SLIT3: variants seen among roughly 807,000 people sequenced by gnomAD.
The protein encoded by SLIT3 is slit homolog 3 protein.
Under a neutral mutation model 184.0 loss-of-function variants are expected in SLIT3, and 68 were observed. That is an observed-to-expected ratio of 0.37 (90% CI 0.30 to 0.45). The LOEUF is 0.45. Among genes scored for constraint, SLIT3 ranks in the 20% least tolerant of loss-of-function variants. SLIT3 has a pLI of 1.00. For synonymous variants in SLIT3, 831 were observed against 828.6 expected (o/e 1.00, Z -0.05); for missense variants, 1,707 against 2,026.0 (o/e 0.84, Z 3.02).
At chr5:168,692,197 A>G (rs544362180) in intron 29 of SLIT3, among the ~76,000 whole-genome samples, 8 of 152,316 alleles carry the variant, frequency 5.3e-5, no homozygotes, top group Non-Finnish European at 1.0e-4. Context: ...AAGGCTGCAC[A>G]TGGAGAAGGT....
In SLIT3 at chr5:169,072,592, T is replaced by G. The variant is rs900991240; in HGVS notation, c.413+120887A>C. On this transcript the variant is annotated intron_variant, in intron 4 of 35. Coordinates refer to ENST00000519560, the MANE Select transcript of SLIT3 (RefSeq NM_003062.4). ...AGAGCCACCATGCAAGTACTGGATCTAGCCTGCCTGAACACATTTTATCAT... is the reference window on the plus strand; with the variant it reads ...AGAGCCACCATGCAAGTACTGGATCGAGCCTGCCTGAACACATTTTATCAT... 3.9e-5 allele frequency among the ~76,000 whole-genome samples: 6 copies of G among 152,228 alleles called. No homozygotes were observed. The East Asian group carries it at 1.2e-3, about 29-fold the overall frequency.
intron 4 of SLIT3, among the ~76,000 whole-genome samples, chr5:169,014,231 A>G (rs1291909843): frequency 1.3e-5 from 2 of 152,220 alleles, no homozygotes; most frequent in Non-Finnish European, 2.9e-5. Flanking sequence ...ACTCAAGAAG[A>G]TAATTTTATC....
intron 25 of SLIT3, 161 bp from the exon 26 acceptor site, chr5:168,708,261 G>T: frequency 1.2e-6 from 1 of 838,012 alleles, no homozygotes; most frequent in Non-Finnish European, 1.9e-6. Context: ...ATCCAGTCCA[G>T]CTAGAGTCCC....
chr5:168,972,731 A>T (rs1205455064), intron 4 of SLIT3, among the ~76,000 whole-genome samples: 1 of 151,706 alleles, frequency 6.6e-6, no homozygotes, highest in Admixed American at 6.6e-5. Flanking sequence ...TCTTCTCTAG[A>T]CTCATACCTG....
chr5:168,837,699 T>C (rs374555613), intron 6 of SLIT3, among the ~76,000 whole-genome samples: 16 of 152,316 alleles, frequency 1.1e-4, no homozygotes, highest in African/African-American at 3.8e-4. Flanking sequence ...GAGTGAGATG[T>C]GGACATAAAG....
intron 5 of SLIT3, among the ~76,000 whole-genome samples, chr5:168,866,668 G>A (rs1300686535): frequency 6.6e-6 from 1 of 152,158 alleles, no homozygotes; most frequent in Admixed American, 6.5e-5. Context: ...TGTTAACAGT[G>A]AGTCAGATTA....
At chr5:168,673,382 A>T (rs771183124) in intron 32 of SLIT3, 51 bp from the exon 33 acceptor site, 1 of 1,572,588 alleles carries the variant, frequency 6.4e-7, no homozygotes, top group East Asian at 2.2e-5. Flanking sequence ...AGGGCCTTCC[A>T]TGGCTGGGCC....
chr5:168,824,319 C>G (rs1167604598), intron 6 of SLIT3, among the ~76,000 whole-genome samples: 1 of 152,216 alleles, frequency 6.6e-6, no homozygotes, highest in Non-Finnish European at 1.5e-5. Context: ...ATGAACGGAG[C>G]TCCTACGGTG....
chr5:169,270,880 G>A, intron 1 of SLIT3, among the ~76,000 whole-genome samples: 1 of 152,122 alleles, frequency 6.6e-6, no homozygotes. Context: ...GTAGTATGTG[G>A]ATAATCTATA....
At chr5:168,748,220 GC>G (rs1438985686) in intron 20 of SLIT3, 81 bp downstream of exon 20, 2 of 1,390,784 alleles carry the variant, frequency 1.4e-6, no homozygotes, top group African/African-American at 1.5e-5. Flanking sequence ...ATGTTGCCTT[GC>G]TTGAGATTCT....
At chr5:169,034,933 G>A (rs1002287568) in intron 4 of SLIT3, among the ~76,000 whole-genome samples, 1 of 150,188 alleles carries the variant, frequency 6.7e-6, no homozygotes, top group East Asian at 1.9e-4. Flanking sequence ...GTGTGTGTGT[G>A]TGTGTGTGTG....
intron 4 of SLIT3, among the ~76,000 whole-genome samples, chr5:168,915,373 G>A (rs758526647): frequency 1.3e-4 from 20 of 152,094 alleles, no homozygotes; most frequent in Non-Finnish European, 2.2e-4. Context: ...GTAGACAAGC[G>A]ACTTTACAAT....
chr5:168,734,376 C>T (rs541361566), intron 20 of SLIT3, among the ~76,000 whole-genome samples: 4 of 152,152 alleles, frequency 2.6e-5, no homozygotes, highest in Non-Finnish European at 5.9e-5. Flanking sequence ...GTTCCAACTC[C>T]ACTGGCCTTA....
intron 4 of SLIT3, among the ~76,000 whole-genome samples, chr5:168,888,711 T>TA (rs533153866): frequency 1.1e-4 from 16 of 152,020 alleles, no homozygotes; most frequent in Non-Finnish European, 2.1e-4. Flanking sequence ...TCAATAACAT[T>TA]AAAAAAAATT....
Position 169,009,431 on chromosome 5 carries a change from C to T in SLIT3, c.414-126095G>A, listed in dbSNP as rs141746926. On this transcript the variant is annotated intron_variant, in intron 4 of 35. Coordinates refer to ENST00000519560, the MANE Select transcript of SLIT3 (RefSeq NM_003062.4). ...TGCAAACAGGCTCTTCCCTCCTCGC[C>T]GAAAAGCAAGCACGCTGTGTAGTCA... Among the ~76,000 whole-genome samples the T allele has an allele frequency of 5.5e-3, 838 of 152,304 alleles. 7 individuals are homozygous for T. Among genetic ancestry groups the T allele is most frequent in the African/African-American group, 0.019 (773 of 41,546 alleles).
intron 5 of SLIT3, among the ~76,000 whole-genome samples, chr5:168,873,088 C>A (rs1759592779): frequency 6.6e-6 from 1 of 152,186 alleles, no homozygotes; most frequent in Admixed American, 6.5e-5. Context: ...TCTGTATCTG[C>A]TGTTTCCTTC....
intron 4 of SLIT3, among the ~76,000 whole-genome samples, chr5:169,106,771 C>T (rs1335378940): frequency 1.3e-5 from 2 of 152,210 alleles, no homozygotes; most frequent in East Asian, 1.9e-4. Context: ...ATCAAAATGA[C>T]CCTGTGTCAA....
intron 3 of SLIT3, among the ~76,000 whole-genome samples, chr5:169,244,260 G>A (rs554677355): frequency 9.2e-5 from 14 of 152,224 alleles, no homozygotes; most frequent in Admixed American, 2.0e-4. Flanking sequence ...TCCTCTCCCC[G>A]CAAGAGTGGG....
intron 4 of SLIT3, among the ~76,000 whole-genome samples, chr5:169,046,258 T>C (rs1212979574): frequency 2.0e-5 from 3 of 152,180 alleles, no homozygotes; most frequent in Non-Finnish European, 4.4e-5. Flanking sequence ...GTGAAACATC[T>C]GTACAGCACA....
Sources: gnomAD v4.1 joint callset for allele counts (sites outside exome capture counted in the v4.1 genomes callset) on GRCh38, gnomAD v4.1.1 for gene constraint, MANE v1.5 for transcripts, NCBI Gene and HGNC (gene_info 2026-07-23, HGNC 2026-07-21) for gene names.